SCARB2: variants seen among roughly 807,000 people sequenced by gnomAD.
The protein encoded by SCARB2 is lysosome membrane protein 2.
Under a neutral mutation model 58.6 loss-of-function variants are expected in SCARB2, and 29 were observed. That is an observed-to-expected ratio of 0.49 (90% CI 0.37 to 0.67). The LOEUF (loss-of-function observed/expected upper bound fraction) is 0.67. SCARB2 is among the 30% of genes least tolerant of loss of function. The pLI is 0.00. For missense variants in SCARB2, 488 were observed against 578.5 expected, an observed-to-expected ratio of 0.84 and a Z score of 1.60; for synonymous variants, 195 against 210.1, an observed-to-expected ratio of 0.93 and a Z score of 0.62.
intron 1 of SCARB2, among the ~76,000 whole-genome samples, chr4:76,230,835 C>T (rs960651369): frequency 6.6e-6 from 1 of 152,172 alleles, no homozygotes; most frequent in Non-Finnish European, 1.5e-5. Context: ...CCTTGAATTC[C>T]CTAGACCTCA....
intron 1 of SCARB2, among the ~76,000 whole-genome samples, chr4:76,218,829 GGCAAAAA>G (rs1459611914): frequency 6.6e-6 from 1 of 152,024 alleles, no homozygotes; most frequent in East Asian, 1.9e-4. Context: ...AAATATAGTG[GGCAAAAA>G]GGGTGAATAT....
At chr4:76,182,478 TAG>T (rs1732404659) in intron 2 of SCARB2, among the ~76,000 whole-genome samples, 2 of 152,226 alleles carry the variant, frequency 1.3e-5, no homozygotes, top group African/African-American at 4.8e-5. Flanking sequence ...ATGTGGCTAC[TAG>T]AAAATCTTAA....
chr4:76,174,197 G>C lies in SCARB2; in HGVS notation c.941C>G (p.Pro314Arg), dbSNP rs1419597496. The C allele has an allele frequency of 6.2e-7, 1 of 1,614,152 alleles. No individual in the cohort carries two copies. The highest frequency in any genetic ancestry group is 8.5e-7 in the Non-Finnish European group (1 of 1,180,042). ...TCCTGAGCCCAGGCAGTTTCCCTCA[G>C]GTATACAGAAGCCGGCATTGTCTGA... The part of the protein sequence containing the change: ...NTSDNAGFCI[P>R]EGNCLGSGVL... The change falls in exon 7 of 12, where the codon CCT (proline) becomes CGT (arginine). Residue 314 changes from proline to arginine, a missense_variant. By Grantham distance (103) the Pro-to-Arg change is moderately radical. Transcript: ENST00000264896.
chr4:76,183,092 T>C (rs1732418033), intron 2 of SCARB2, among the ~76,000 whole-genome samples: 1 of 152,216 alleles, frequency 6.6e-6, no homozygotes, highest in Non-Finnish European at 1.5e-5. Flanking sequence ...TATAGATGCA[T>C]ACAAATAGAT....
intron 1 of SCARB2, among the ~76,000 whole-genome samples, chr4:76,212,820 A>G (rs1272522402): frequency 6.6e-6 from 1 of 152,236 alleles, no homozygotes; most frequent in African/African-American, 2.4e-5. Context: ...GAGAAAAACA[A>G]GAATTCATGG....
chr4:76,167,363 G>A (rs1352898576), intron 9 of SCARB2, among the ~76,000 whole-genome samples: 1 of 152,172 alleles, frequency 6.6e-6, no homozygotes, highest in Admixed American at 6.5e-5. Flanking sequence ...GATCATGGGG[G>A]TGGATTTCTC....
chr4:76,194,625 A>G (rs1251105158), intron 2 of SCARB2: 2 of 152,188 alleles, frequency 1.3e-5, no homozygotes, highest in African/African-American at 4.8e-5. Flanking sequence ...TGAGCAATCG[A>G]TTACAACAGA....
chr4:76,207,372 TGAGGGGCCCAGG>T (rs1348738618), intron 1 of SCARB2, among the ~76,000 whole-genome samples: 10 of 152,332 alleles, frequency 6.6e-5, no homozygotes, highest in African/African-American at 2.4e-4. Flanking sequence ...TTTAAGAATA[TGAGGGGCCCAGG>T]AGTTTAAATT....
rs778684185 is a variant in SCARB2, at chr4:76,180,975, T to C, written c.402A>G (p.Arg134=). 1.1e-4 allele frequency: 171 copies of C among 1,612,666 alleles called. No individual in the cohort carries two copies. The highest frequency in any genetic ancestry group is 1.3e-4 in the Non-Finnish European group (150 of 1,179,562). ...SVGDPKIDLI[R]TLNIPVLTVI... is the part of the protein sequence containing the mutation. ...TTACCAATACAGGAATATTTAATGT[T>C]CTAATTAAGTCAATTTTAGGGTCTC... Residue 134 remains arginine, a synonymous_variant, in exon 3 of 12, where the codon AGA becomes AGG. Transcript: ENST00000264896.
intron 2 of SCARB2, 136 bp from the exon 3 acceptor site, chr4:76,181,237 A>G (rs1732377171): frequency 1.2e-6 from 1 of 827,058 alleles, no homozygotes; most frequent in African/African-American, 1.7e-5. Context: ...TGCAGCTACT[A>G]AGCCTTAAAA....
chr4:76,161,463 G>A lies in SCARB2; in HGVS notation c.*250C>T. 3 of 557,188 alleles carry A rather than the reference G, an allele frequency of 5.4e-6. No individual in the cohort carries two copies. Among genetic ancestry groups the A allele is most frequent in the Non-Finnish European group, 6.4e-6 (2 of 310,546 alleles). The allele number at this position is 557,188 out of a possible 1,614,324, so 34.5% of individuals were successfully genotyped here. The stretch of plus-strand genomic sequence containing the variant: ...CAACAACAACAAAATTACTATACAA[G>A]GGTTTATTAAATACTTGCTAGACAC... On this transcript the variant is annotated 3_prime_UTR_variant, in exon 12 of 12. Transcript: ENST00000264896.
At chr4:76,218,520 C>T (rs568192271), upstream of SCARB2, among the ~76,000 whole-genome samples, 48 of 152,320 alleles carry the variant, frequency 3.2e-4, no homozygotes, top group African/African-American at 1.1e-3. Flanking sequence ...ATCAAGAAGA[C>T]CTCATGGCTT....
Position 76,163,400 on chromosome 4 carries a change from A to G in SCARB2, c.1240-17T>C, listed in dbSNP as rs772737221. 3 of 1,614,098 alleles carry G rather than the reference A, an allele frequency of 1.9e-6. No individual in the cohort carries two copies. Among genetic ancestry groups the G allele is most frequent in the Non-Finnish European group, 2.5e-6 (3 of 1,179,984 alleles). The stretch of plus-strand genomic sequence containing the variant: ...GTGAACACTCTGGAGAGGCAAGAAA[A>G]TAGTATTCTTGATGACTAAACATCC... On this transcript the variant is annotated splice_polypyrimidine_tract_variant and intron_variant, in intron 10 of 11. Coordinates refer to ENST00000264896, the MANE Select transcript of SCARB2 (RefSeq NM_005506.4).
Position 76,170,945 on chromosome 4 carries a change from AATAT to A in SCARB2, c.995-964_995-961del, listed in dbSNP as rs35595759. 9.7e-3 allele frequency among the ~76,000 whole-genome samples: 1,328 copies of A among 136,550 alleles called. 18 individuals carry two copies. The highest frequency in any genetic ancestry group is 0.03 in the African/African-American group (1,189 of 39,594). 89.6% of individuals were successfully genotyped at this position (136,550 alleles called of 152,430 possible). ...CCAAATAAGTGCTTATGTAAATTTA[AATAT>A]ATATATATATATATATATATATAAC... On this transcript the variant is annotated intron_variant, in intron 7 of 11. Transcript: ENST00000264896.
intron 1 of SCARB2, among the ~76,000 whole-genome samples, chr4:76,220,292 T>C (rs1733286172): frequency 6.6e-6 from 1 of 152,144 alleles, no homozygotes. Context: ...ACACAAAATA[T>C]GTTATAGACA....
At chr4:76,175,492 C>G (rs1477663562) in intron 6 of SCARB2, 1 of 397,260 alleles carries the variant, frequency 2.5e-6, no homozygotes, top group African/African-American at 2.1e-5. Flanking sequence ...CAACCTCTAA[C>G]ATAGTTAACA....
rs189905085 is a variant in SCARB2 at position 76,159,003 on chromosome 4, G to A, written c.*2710C>T. On this transcript the variant is annotated 3_prime_UTR_variant, in exon 12 of 12. Coordinates refer to ENST00000264896, the MANE Select transcript of SCARB2 (RefSeq NM_005506.4). ...TTAAAAACCCCAATAGGGGTTAGTCGTGTAGTGCTTGTTCCACTTGACCAT... is the reference window on the plus strand; with the variant it reads ...TTAAAAACCCCAATAGGGGTTAGTCATGTAGTGCTTGTTCCACTTGACCAT... The A allele has an allele frequency of 3.9e-5, 6 of 152,318 alleles. No individual in the cohort carries two copies. Among genetic ancestry groups the A allele is most frequent in the Admixed American group, 6.5e-5 (1 of 15,298 alleles). 9.4% of individuals were successfully genotyped at this position (152,318 alleles called of 1,614,324 possible). A position where few individuals can be genotyped will look rare whatever the true frequency, so the allele number is the denominator to read the frequency against.
Position 76,169,971 on chromosome 4 carries a change from T to A in SCARB2, c.1009A>T (p.Met337Leu), listed in dbSNP as rs768499637. 2 of 1,613,586 alleles carry A rather than the reference T, an allele frequency of 1.2e-6. No homozygotes were observed. Among genetic ancestry groups the A allele is most frequent in the Non-Finnish European group, 1.7e-6 (2 of 1,179,620 alleles). The change falls in exon 8 of 12, where the codon ATG becomes TTG. Residue 337 changes from methionine to leucine, a missense_variant. Coordinates refer to ENST00000264896, the MANE Select transcript of SCARB2 (RefSeq NM_005506.4). ...GCTTGGTAAAAGTGTGGGAAAGACA[T>A]AATGATGGGTGCACCTGCATTTGAA... ...SICKNGAPII[M>L]SFPHFYQADE...
chr4:76,212,842 A>G (rs1343684249), intron 1 of SCARB2, among the ~76,000 whole-genome samples: 5 of 152,240 alleles, frequency 3.3e-5, no homozygotes, highest in African/African-American at 1.2e-4. Context: ...GAGACAAAGC[A>G]ACACAGACTG....
Sources: gnomAD v4.1 joint callset for allele counts (sites outside exome capture counted in the v4.1 genomes callset) on GRCh38, gnomAD v4.1.1 for gene constraint, MANE v1.5 for transcripts, NCBI Gene and HGNC (gene_info 2026-07-23, HGNC 2026-07-21) for gene names.